Variants in INPP5K observed in about 807,000 individuals in gnomAD.
INPP5K encodes inositol polyphosphate-5-phosphatase K, also known as inositol polyphosphate 5-phosphatase K.
In INPP5K, 35 loss-of-function variants were observed where a neutral mutation model predicts 53.5. The ratio of observed to expected loss-of-function variants is 0.65; its 90% CI spans 0.50 to 0.87. INPP5K has a LOEUF of 0.87. Among genes scored for constraint, INPP5K ranks in the 40% least tolerant of loss-of-function variants. The probability of loss-of-function intolerance (pLI) is 0.00; values close to 1 mark genes in which losing one functional copy is unlikely to be tolerated. For missense variants in INPP5K, 550 were observed against 586.2 expected (o/e 0.94, Z 0.64); for synonymous variants, 253 against 232.8 (o/e 1.09, Z -0.79).
At chr17:1,502,409 G>A (rs1411675174) in intron 7 of INPP5K, among the ~76,000 whole-genome samples, 1 of 152,152 alleles carries the variant, frequency 6.6e-6, no homozygotes, top group Admixed American at 6.6e-5. Context: ...CTCTTTCAAA[G>A]CATTCTCCCT....
Position 1,495,676 on chromosome 17 carries a change from G to C in INPP5K, c.*147C>G. 4 of 628,988 alleles carry C rather than the reference G, an allele frequency of 6.4e-6. No individual in the cohort carries two copies. The allele number at this position is 628,988 out of a possible 1,614,324, so 39.0% of individuals were successfully genotyped here. A position where few individuals can be genotyped will look rare whatever the true frequency, so the allele number is the denominator to read the frequency against. On this transcript the variant is annotated 3_prime_UTR_variant, in exon 12 of 12. Coordinates refer to ENST00000421807, the MANE Select transcript of INPP5K (RefSeq NM_016532.4). Reference sequence around the variant, plus strand: ...AGTAGTGGAGAGAGCAAATGAGCCTGGTTAGAGCTCACTCTGGGAGGAGTA... The same window carrying C: ...AGTAGTGGAGAGAGCAAATGAGCCTCGTTAGAGCTCACTCTGGGAGGAGTA...
At chr17:1,497,372 A>G (rs562045921) in intron 8 of INPP5K, among the ~76,000 whole-genome samples, 122 of 152,290 alleles carry the variant, frequency 8.0e-4, no homozygotes, top group Admixed American at 1.6e-3. Flanking sequence ...AGGGAGGCTG[A>G]GGTGGAAGGA....
At chr17:1,509,637 C>G (rs769949375) in intron 4 of INPP5K, 46 bp downstream of exon 4, 4 of 1,268,268 alleles carry the variant, frequency 3.2e-6, no homozygotes, top group African/African-American at 2.9e-5. Flanking sequence ...CTCCACAGTT[C>G]CCAGCCCTTC....
chr17:1,513,164 G>C (rs11078471), intron 3 of INPP5K, among the ~76,000 whole-genome samples: 1 of 151,950 alleles, frequency 6.6e-6, no homozygotes. Context: ...CTGGGGCAGC[G>C]GCCAGCACTG....
rs893115882 is a variant in INPP5K, at chr17:1,516,151, A to C, written c.44+305T>G. ...AAAGTAGGAAAAAGATTTCTAACCG[A>C]GAGCCGAAGGGTGACGGCCTCGTTA... is the stretch of plus-strand genomic sequence containing the variant. On this transcript the variant is annotated intron_variant, in intron 1 of 11. Coordinates refer to ENST00000421807, the MANE Select transcript of INPP5K (RefSeq NM_016532.4). The C allele has an allele frequency of 1.1e-5, 14 of 1,269,732 alleles. No homozygotes were observed. In the Admixed American group the frequency reaches 1.3e-4, roughly 11 times the overall value. The allele number at this position is 1,269,732 out of a possible 1,614,324, so 78.7% of individuals were successfully genotyped here.
intron 1 of INPP5K, 28 bp downstream of exon 1, chr17:1,516,428 C>G: frequency 1.9e-6 from 3 of 1,585,404 alleles, no homozygotes; most frequent in Non-Finnish European, 2.6e-6. Context: ...CCCGAGCAGG[C>G]CTGCCTCTGC....
chr17:1,501,165 G>A (rs1421119672), intron 7 of INPP5K, among the ~76,000 whole-genome samples: 3 of 151,416 alleles, frequency 2.0e-5, no homozygotes, highest in East Asian at 1.9e-4. Context: ...TCACCATGCT[G>A]GCCAGGCTGG....
At chr17:1,505,377 C>A (rs1422361028) in intron 7 of INPP5K, among the ~76,000 whole-genome samples, 1 of 152,156 alleles carries the variant, frequency 6.6e-6, no homozygotes, top group African/African-American at 2.4e-5. Context: ...CCCTCCCCAC[C>A]CAAGGCCCTA....
chr17:1,499,049 T>C (rs1290257394), intron 7 of INPP5K, among the ~76,000 whole-genome samples: 2 of 152,122 alleles, frequency 1.3e-5, no homozygotes, highest in Admixed American at 1.3e-4. Flanking sequence ...CAAACTAAAC[T>C]AACCTCTCTC....
In INPP5K at chr17:1,498,741, G is replaced by GT. The variant is rs201448644; in HGVS notation, c.777-620dup. Among the ~76,000 whole-genome samples, 1,132 of 152,290 alleles carry GT rather than the reference G, an allele frequency of 7.4e-3. 11 individuals carry two copies. The highest frequency in any genetic ancestry group is 0.02 in the African/African-American group (812 of 41,538). On this transcript the variant is annotated intron_variant, in intron 7 of 11. Transcript: ENST00000421807. The stretch of plus-strand genomic sequence containing the variant: ...CTCAGCCTCCTGAGTGGCTGGGACG[G>GT]TAAGTGCGTGGCACTATGCCTGGCT...
At chr17:1,502,390 G>A (rs909253126) in intron 7 of INPP5K, among the ~76,000 whole-genome samples, 1 of 152,128 alleles carries the variant, frequency 6.6e-6, no homozygotes, top group East Asian at 1.9e-4. Context: ...CCACACAAAT[G>A]CACGTTCTCT....
intron 3 of INPP5K, among the ~76,000 whole-genome samples, chr17:1,511,276 G>A (rs2075301476): frequency 6.6e-6 from 1 of 152,204 alleles, no homozygotes; most frequent in Non-Finnish European, 1.5e-5. Flanking sequence ...GGAACCAGTA[G>A]GGCTACCTGT....
intron 7 of INPP5K, among the ~76,000 whole-genome samples, chr17:1,505,874 T>C (rs2075143608): frequency 6.6e-6 from 1 of 152,178 alleles, no homozygotes; most frequent in African/African-American, 2.4e-5. Context: ...GCTCTTCTTT[T>C]CTTCAAAGAG....
At chr17:1,502,630 T>C (rs1671869201) in intron 7 of INPP5K, among the ~76,000 whole-genome samples, 1 of 151,014 alleles carries the variant, frequency 6.6e-6, no homozygotes, top group African/African-American at 2.4e-5. Context: ...ACTGGGGATA[T>C]GAGAAATAGG....
At chr17:1,511,910 G>T (rs984078419) in intron 3 of INPP5K, among the ~76,000 whole-genome samples, 1 of 152,178 alleles carries the variant, frequency 6.6e-6, no homozygotes, top group Non-Finnish European at 1.5e-5. Flanking sequence ...GTTAGACTGG[G>T]AGAAAGGGTG....
rs1436650383 is a variant in INPP5K at position 1,516,201 on chromosome 17, C to T, written c.44+255G>A. On this transcript the variant is annotated intron_variant, in intron 1 of 11. Transcript: ENST00000421807. ...ATGTCTTTAACCTCAAACAACCCCA[C>T]ACGGCTGTCCTCTCCAGAAAGCAAC... is the stretch of plus-strand genomic sequence containing the variant. 8.2e-6 allele frequency: 8 copies of T among 977,678 alleles called. No individual in the cohort carries two copies. The Admixed American group carries it at 2.4e-4, about 29-fold the overall frequency. The allele number at this position is 977,678 out of a possible 1,614,324, so 60.6% of individuals were successfully genotyped here. A position where few individuals can be genotyped will look rare whatever the true frequency, so the allele number is the denominator to read the frequency against.
chr17:1,512,826 A>T (rs2075340271), intron 3 of INPP5K, among the ~76,000 whole-genome samples: 1 of 152,114 alleles, frequency 6.6e-6, no homozygotes, highest in Non-Finnish European at 1.5e-5. Flanking sequence ...TGACCTGAGG[A>T]TACCCTATGA....
intron 7 of INPP5K, among the ~76,000 whole-genome samples, chr17:1,502,082 G>A (rs1278713884): frequency 6.6e-6 from 1 of 151,130 alleles, no homozygotes; most frequent in African/African-American, 2.4e-5. Context: ...AGGCACGGTG[G>A]CTCACGCCTG....
At position 1,498,029 on chromosome 17, in the gene INPP5K, C is replaced by T. The variant is rs766956300; in HGVS notation, c.870G>A (p.Ala290=). Residue 290 remains alanine (A), a synonymous_variant, in exon 8 of 12, where the codon GCG becomes GCA. Coordinates refer to ENST00000421807, the MANE Select transcript of INPP5K (RefSeq NM_016532.4). ...CAGPDTPIPP[A]SHFSLSLRGY... is the part of the protein sequence containing the mutation. ...CCCTCAGAGACAAGGAGAAGTGTGA[C>T]GCCGGCGGTATGGGAGTGTCGGGGC... 10 of 1,614,002 alleles carry T rather than the reference C, an allele frequency of 6.2e-6. No homozygotes were observed. The East Asian group carries it at 6.7e-5, about 11-fold the overall frequency.
Sources: allele counts gnomAD v4.1 joint callset (sites outside exome capture counted in the v4.1 genomes callset), GRCh38; gene constraint gnomAD v4.1.1; transcripts MANE v1.5; gene names NCBI Gene and HGNC (gene_info 2026-07-23, HGNC 2026-07-21).